DIPK1A: variants seen among roughly 807,000 people sequenced by gnomAD.
DIPK1A encodes family with sequence similarity 69 member A.
In DIPK1A, 27 loss-of-function variants were observed where a neutral mutation model predicts 40.8. The observed-to-expected ratio is 0.66, with a 90% CI of 0.49 to 0.91. The LOEUF is 0.91. DIPK1A is among the 40% of genes least tolerant of loss of function. The probability of loss-of-function intolerance (pLI) is 0.00; values close to 1 mark genes in which losing one functional copy is unlikely to be tolerated. For synonymous variants in DIPK1A, 166 were observed against 171.3 expected (o/e 0.97, Z 0.24); for missense variants, 412 against 505.7 (o/e 0.81, Z 1.78).
At chr1:92,936,480 T>C (rs180954350) in intron 1 of DIPK1A, among the ~76,000 whole-genome samples, 52 of 151,738 alleles carry the variant, frequency 3.4e-4, no homozygotes, top group African/African-American at 1.2e-3. Context: ...AATACAAAAA[T>C]TAGCCAGGCA....
At chr1:92,897,017 G>A (rs1649201783) in intron 1 of DIPK1A, among the ~76,000 whole-genome samples, 1 of 151,952 alleles carries the variant, frequency 6.6e-6, no homozygotes. Context: ...AGGTGCTGGA[G>A]AGGATGTGGA....
chr1:92,842,765 G>T lies in DIPK1A; in HGVS notation c.*618C>A. The T allele has an allele frequency of 1.0e-6, 1 of 985,326 alleles. No homozygotes were observed. The highest frequency in any genetic ancestry group is 1.2e-6 in the Non-Finnish European group (1 of 829,872). The allele number at this position is 985,326 out of a possible 1,614,324, so 61.0% of individuals were successfully genotyped here. A position where few individuals can be genotyped will look rare whatever the true frequency, so the allele number is the denominator to read the frequency against. The stretch of plus-strand genomic sequence containing the variant: ...CATCCATTTTTAGTCAATAAAATTG[G>T]TGTACTGTCAAGTATAAGATTTCTT... On this transcript the variant is annotated 3_prime_UTR_variant, in exon 5 of 5. Transcript: ENST00000370310.
chr1:92,955,333 A>T (rs556451007), intron 1 of DIPK1A, among the ~76,000 whole-genome samples: 1 of 152,320 alleles, frequency 6.6e-6, no homozygotes, highest in East Asian at 1.9e-4. Flanking sequence ...AAAACTATGG[A>T]CTTTGGGTGA....
chr1:92,953,453 TC>T (rs1651721985), intron 1 of DIPK1A, among the ~76,000 whole-genome samples: 1 of 152,178 alleles, frequency 6.6e-6, no homozygotes, highest in Non-Finnish European at 1.5e-5. Context: ...ATATTTGCAC[TC>T]CCATGTTCAT....
At chr1:92,944,879 C>T (rs1260167035) in intron 1 of DIPK1A, among the ~76,000 whole-genome samples, 2 of 152,118 alleles carry the variant, frequency 1.3e-5, no homozygotes, top group East Asian at 3.9e-4. Context: ...TCAAGTGATC[C>T]TCCTGCTTTG....
At chr1:92,838,338 G>A (rs551482820), downstream of DIPK1A, among the ~76,000 whole-genome samples, 2 of 152,224 alleles carry the variant, frequency 1.3e-5, no homozygotes. Flanking sequence ...TTTTTACTGC[G>A]TTATATTTCT....
intron 1 of DIPK1A, among the ~76,000 whole-genome samples, chr1:92,912,328 A>G (rs1649862298): frequency 6.6e-6 from 1 of 152,070 alleles, no homozygotes. Flanking sequence ...TAAAGTTGTG[A>G]TAGGTTTGTG....
chr1:92,896,435 A>G (rs1459167424), intron 1 of DIPK1A, among the ~76,000 whole-genome samples: 6 of 152,116 alleles, frequency 3.9e-5, no homozygotes, highest in South Asian at 2.1e-4. Flanking sequence ...ATGGTGCTGG[A>G]AAAACTGGCT....
chr1:92,917,203 C>T (rs1336671932), intron 1 of DIPK1A, among the ~76,000 whole-genome samples: 1 of 152,152 alleles, frequency 6.6e-6, no homozygotes, highest in African/African-American at 2.4e-5. Flanking sequence ...TTTCTTTCCC[C>T]AACTTTTCAG....
chr1:92,930,840 C>T (rs1426833173), intron 1 of DIPK1A: 1 of 152,168 alleles, frequency 6.6e-6, no homozygotes, highest in Non-Finnish European at 1.5e-5. Flanking sequence ...TTCTTAAAAG[C>T]CTTTTCTGTC....
At chr1:92,959,212 G>T (rs750341458) in intron 1 of DIPK1A, among the ~76,000 whole-genome samples, 1 of 152,058 alleles carries the variant, frequency 6.6e-6, no homozygotes, top group Non-Finnish European at 1.5e-5. Flanking sequence ...CCTGAGCCTG[G>T]AAAGTCCAGG....
chr1:92,943,284 G>A (rs1651237739), intron 1 of DIPK1A, among the ~76,000 whole-genome samples: 1 of 152,222 alleles, frequency 6.6e-6, no homozygotes, highest in Non-Finnish European at 1.5e-5. Context: ...GAGGCAGGCA[G>A]AGAAAGCCAC....
At chr1:92,951,607 G>A (rs1041662962) in intron 1 of DIPK1A, among the ~76,000 whole-genome samples, 4 of 152,108 alleles carry the variant, frequency 2.6e-5, no homozygotes, top group Admixed American at 1.3e-4. Flanking sequence ...GTGGTAATTC[G>A]TTACAGGAGC....
chr1:92,892,872 C>T (rs1040360490), intron 1 of DIPK1A, among the ~76,000 whole-genome samples: 12 of 152,026 alleles, frequency 7.9e-5, no homozygotes, highest in Non-Finnish European at 1.3e-4. Context: ...TCTCAGTAGC[C>T]GATTCGATCA....
At chr1:92,851,583 A>T (rs1399368452) in intron 2 of DIPK1A, among the ~76,000 whole-genome samples, 2 of 150,688 alleles carry the variant, frequency 1.3e-5, no homozygotes, top group Admixed American at 6.6e-5. Flanking sequence ...TAAAATAAAT[A>T]AAGTTTAGAA....
At chr1:92,872,069 C>CTTTTTTTTTTTTTTTTTTTTTTT (rs148010880) in intron 2 of DIPK1A, among the ~76,000 whole-genome samples, 3 of 67,936 alleles carry the variant, frequency 4.4e-5, no homozygotes, top group Non-Finnish European at 7.7e-5. Flanking sequence ...TTCTTTAAAT[C>CTTTTTTTTTTTTTTTTTTTTTTT]TTTTTTTTTT....
intron 2 of DIPK1A, 115 bp downstream of exon 2, chr1:92,876,181 C>A (rs1476269090): frequency 7.4e-6 from 5 of 676,182 alleles, no homozygotes; most frequent in East Asian, 3.3e-5. Flanking sequence ...AAGATTAGCA[C>A]AATTCTAATG....
Position 92,842,380 on chromosome 1 carries a change from T to C in DIPK1A, c.*1003A>G, listed in dbSNP as rs527763145. 3 of 984,446 alleles carry C rather than the reference T, an allele frequency of 3.0e-6. No homozygotes were observed. The East Asian group carries it at 3.4e-4, about 112-fold the overall frequency. 61.0% of individuals were successfully genotyped at this position (984,446 alleles called of 1,614,324 possible). ...TTTCTCCAAAAGGTGTTTAATTTTA[T>C]GGAGATGTTGAAAGGTACATGCCAA... On this transcript the variant is annotated 3_prime_UTR_variant, in exon 5 of 5. Transcript: ENST00000370310.
intron 1 of DIPK1A, among the ~76,000 whole-genome samples, chr1:92,926,542 A>G (rs1190766796): frequency 1.3e-5 from 2 of 152,190 alleles, no homozygotes; most frequent in Non-Finnish European, 1.5e-5. Context: ...TAACAGGGCT[A>G]TTAAGATCTT....
Sources: allele counts gnomAD v4.1 joint callset (sites outside exome capture counted in the v4.1 genomes callset), GRCh38; gene constraint gnomAD v4.1.1; transcripts MANE v1.5; gene names NCBI Gene and HGNC (gene_info 2026-07-23, HGNC 2026-07-21).